Variants in ERBIN observed in about 807,000 individuals in gnomAD.
The protein encoded by ERBIN is erbb2 interacting protein, also known as densin-180-like protein.
A neutral mutation model predicts 158.4 loss-of-function variants in ERBIN; 60 were observed. The ratio of observed to expected loss-of-function variants is 0.38; its 90% CI spans 0.31 to 0.47. The LOEUF is 0.47. ERBIN is among the 20% of genes least tolerant of loss of function. The probability of loss-of-function intolerance (pLI) is 0.99; values close to 1 mark genes in which losing one functional copy is unlikely to be tolerated. For missense variants in ERBIN, 1,610 were observed against 1,648.0 expected (o/e 0.98, Z 0.40); for synonymous variants, 594 against 557.2 (o/e 1.07, Z -0.93).
At chr5:66,075,908 A>G (rs1362488241) in intron 23 of ERBIN, among the ~76,000 whole-genome samples, 1 of 152,170 alleles carries the variant, frequency 6.6e-6, no homozygotes, top group African/African-American at 2.4e-5. Flanking sequence ...GATCTTTTAG[A>G]TATCTTATGT....
chr5:66,003,791 G>C (rs1753245842), intron 4 of ERBIN, among the ~76,000 whole-genome samples: 1 of 152,062 alleles, frequency 6.6e-6, no homozygotes, highest in Admixed American at 6.5e-5. Flanking sequence ...CCAGCTCCTA[G>C]GTGTCAGAAG....
chr5:66,041,799 C>T (rs902717209), intron 15 of ERBIN, among the ~76,000 whole-genome samples: 3 of 151,972 alleles, frequency 2.0e-5, no homozygotes, highest in African/African-American at 7.2e-5. Context: ...CTGGGCTGTC[C>T]TTGCCTTTCC....
chr5:66,064,529 A>G (rs1231087711), intron 21 of ERBIN, among the ~76,000 whole-genome samples: 1 of 152,174 alleles, frequency 6.6e-6, no homozygotes, highest in Non-Finnish European at 1.5e-5. Context: ...TGTGTTACGT[A>G]GTGTAGAGGA....
chr5:66,069,127 A>G, intron 21 of ERBIN: 2 of 1,037,942 alleles, frequency 1.9e-6, no homozygotes, highest in Non-Finnish European at 2.6e-6. Flanking sequence ...TGGGTTAGAA[A>G]CCTTGATTTC....
chr5:66,013,496 A>G (rs1754420797), intron 5 of ERBIN, 53 bp from the exon 6 acceptor site: 1 of 1,230,904 alleles, frequency 8.1e-7, no homozygotes, highest in Non-Finnish European at 1.2e-6. Flanking sequence ...AGATTTTAAT[A>G]AAAGACTGAA....
At chr5:65,927,288 A>T (rs115722376) in intron 1 of ERBIN, among the ~76,000 whole-genome samples, 2,402 of 152,224 alleles carry the variant, frequency 0.016, 61 homozygotes, top group African/African-American at 0.055. Context: ...ATATAGAGGT[A>T]TTTATTTTTA....
intron 4 of ERBIN, among the ~76,000 whole-genome samples, chr5:66,003,735 C>T (rs1489617626): frequency 1.3e-5 from 2 of 152,014 alleles, no homozygotes; most frequent in Admixed American, 1.3e-4. Flanking sequence ...CATCTGAATG[C>T]CAGGGCTTGT....
chr5:65,996,840 A>C (rs77904833), intron 4 of ERBIN, among the ~76,000 whole-genome samples: 1,696 of 151,870 alleles, frequency 0.011, 28 homozygotes, highest in African/African-American at 0.038. Context: ...TATGTCTTTT[A>C]CCTCTTTAGT....
At chr5:66,016,847 T>C (rs1206230295) in intron 7 of ERBIN, among the ~76,000 whole-genome samples, 1 of 152,148 alleles carries the variant, frequency 6.6e-6, no homozygotes, top group Non-Finnish European at 1.5e-5. Context: ...ACTCCTGGCC[T>C]CAAATGACCC....
Position 66,076,383 on chromosome 5 carries a change from G to A in ERBIN, c.4031G>A (p.Gly1344Glu), listed in dbSNP as rs1172079081. Residue 1344 changes from glycine (G) to glutamate (E), a missense_variant, in exon 24 of 26, where the codon GGA becomes GAA. Physicochemically the swap from Gly to Glu is moderately conservative, Grantham distance 98 (BLOSUM62 -2). Around this residue, in one of 2 missense-constraint regions of ERBIN, gnomAD observed 1,014 missense variants for 936.1 expected, o/e 1.08. Transcript: ENST00000284037. ...ATATCAGGTGGTGTCGGGGGTAGAGGAAACCCATTCAGACCTGATGATGAT... is the reference window on the plus strand; with the variant it reads ...ATATCAGGTGGTGTCGGGGGTAGAGAAAACCCATTCAGACCTGATGATGAT... ...FSISGGVGGR[G>E]NPFRPDDDGI... is the part of the protein sequence containing the mutation. The A allele has an allele frequency of 3.7e-6, 6 of 1,613,310 alleles. No individual in the cohort carries two copies. The highest frequency in any genetic ancestry group is 1.7e-5 in the Admixed American group (1 of 59,874).
At chr5:65,944,402 G>A (rs1263849608) in intron 1 of ERBIN, among the ~76,000 whole-genome samples, 2 of 151,568 alleles carry the variant, frequency 1.3e-5, no homozygotes, top group East Asian at 1.9e-4. Context: ...TGGTTTTTTT[G>A]TTTTTTGTTT....
intron 1 of ERBIN, among the ~76,000 whole-genome samples, chr5:65,965,654 A>C (rs1476600034): frequency 1.3e-5 from 2 of 152,026 alleles, no homozygotes; most frequent in Non-Finnish European, 2.9e-5. Flanking sequence ...CGGCCTCCCG[A>C]AGTGCTGGGA....
intron 21 of ERBIN, chr5:66,055,159 G>C: frequency 8.2e-7 from 1 of 1,218,106 alleles, no homozygotes. Flanking sequence ...ACTCCCCACT[G>C]TTTCTAACAA....
intron 1 of ERBIN, among the ~76,000 whole-genome samples, chr5:65,933,641 T>C (rs1438191788): frequency 2.0e-5 from 3 of 152,170 alleles, no homozygotes; most frequent in Non-Finnish European, 2.9e-5. Flanking sequence ...GATCCCACTT[T>C]CTTCTTGTTT....
Position 66,021,348 on chromosome 5 carries a change from A to G in ERBIN, c.560A>G (p.Glu187Gly), listed in dbSNP as rs745514727. The change falls in exon 8 of 26, where the codon GAA becomes GGA. Residue 187 changes from glutamate (E) to glycine (G), a missense_variant. Physicochemically the swap from Glu to Gly is moderately conservative, Grantham distance 98. This residue lies in a region of ERBIN where 596 missense variants were observed against 711.9 expected (regional missense o/e 0.84). Transcript: ENST00000284037. ...PKTMNRLTQL[E>G]RLDLGSNEFT... is the part of the protein sequence containing the mutation. Reference sequence around the variant, plus strand: ...ACTATGAATAGACTGACCCAGCTGGAAAGACTGGATTTGGGAAGTAACGAA... The same window carrying G: ...ACTATGAATAGACTGACCCAGCTGGGAAGACTGGATTTGGGAAGTAACGAA... 5.0e-6 allele frequency: 8 copies of G among 1,605,104 alleles called. 1 individual carries two copies. In the South Asian group the frequency reaches 8.9e-5, roughly 18 times the overall value.
At position 66,081,833 on chromosome 5, in the gene ERBIN, G is replaced by T. The variant is rs1366796911; in HGVS notation, c.*3303G>T. 6.6e-6 allele frequency: 1 copy of T among 151,378 alleles called. No individual in the cohort carries two copies. The highest frequency in any genetic ancestry group is 1.5e-5 in the Non-Finnish European group (1 of 67,842). 9.4% of individuals were successfully genotyped at this position (151,378 alleles called of 1,614,324 possible). A position where few individuals can be genotyped will look rare whatever the true frequency, so the allele number is the denominator to read the frequency against. ...TCAGTGAATAGGTTTCTTATGAAAT[G>T]GACATTGAAATAAAAATTATGATTC... On this transcript the variant is annotated 3_prime_UTR_variant, in exon 26 of 26. Transcript: ENST00000284037.
chr5:65,995,920 T>C (rs990146431), intron 4 of ERBIN, among the ~76,000 whole-genome samples: 3 of 152,240 alleles, frequency 2.0e-5, no homozygotes, highest in Admixed American at 6.5e-5. Context: ...TGTTGAGAAC[T>C]ATCTATTCAG....
At chr5:65,951,370 A>C (rs563397545) in intron 1 of ERBIN, among the ~76,000 whole-genome samples, 1 of 152,180 alleles carries the variant, frequency 6.6e-6, no homozygotes, top group Non-Finnish European at 1.5e-5. Context: ...TCTGGCACAT[A>C]ATAAGTGCTC....
At chr5:66,044,861 A>T (rs1310110072) in intron 17 of ERBIN, among the ~76,000 whole-genome samples, 1 of 151,830 alleles carries the variant, frequency 6.6e-6, no homozygotes, top group Non-Finnish European at 1.5e-5. Context: ...ATGGTCACTT[A>T]CACCGAGGAT....
Sources: allele counts gnomAD v4.1 joint callset (sites outside exome capture counted in the v4.1 genomes callset), GRCh38; gene constraint gnomAD v4.1.1; regional missense constraint gnomAD v4.1.1; transcripts MANE v1.5; gene names NCBI Gene and HGNC (gene_info 2026-07-23, HGNC 2026-07-21).